The following SLC17A4 variants were observed in gnomAD, a reference collection of about 807,000 sequenced individuals.
The protein encoded by SLC17A4 is solute carrier family 17 member 4, also known as probable small intestine urate exporter.
Under a neutral mutation model 52.5 loss-of-function variants are expected in SLC17A4, and 33 were observed. The observed-to-expected ratio is 0.63, with a 90% CI of 0.48 to 0.84. SLC17A4 has a LOEUF of 0.84. Ranked by LOEUF, SLC17A4 falls within the 40% of genes least tolerant of loss-of-function variation. SLC17A4 has a pLI of 0.00. For synonymous variants in SLC17A4, 225 were observed against 216.2 expected, an observed-to-expected ratio of 1.04 and a Z score of -0.36; for missense variants, 585 against 597.1, an observed-to-expected ratio of 0.98 and a Z score of 0.21.
chr6:25,763,608 ACACT>A lies in SLC17A4; in HGVS notation c.91+1558_91+1561del, dbSNP rs1446520760. Among the ~76,000 whole-genome samples, 3 of 152,272 alleles carry A rather than the reference ACACT, an allele frequency of 2.0e-5. No individual in the cohort carries two copies. In the East Asian group the frequency reaches 5.8e-4, roughly 29 times the overall value. On this transcript the variant is annotated intron_variant, in intron 2 of 11. Transcript: ENST00000377905. ...CTCATATCTTTGCTGTGTTTCTAAG[ACACT>A]CAGTGAGCTGAATCCAGGGGTTCCA...
At chr6:25,771,052 A>C (rs185651333) in intron 6 of SLC17A4, 40 bp downstream of exon 6, 4 of 1,478,710 alleles carry the variant, frequency 2.7e-6, no homozygotes, top group Non-Finnish European at 3.8e-6. Context: ...TATGACAGAG[A>C]CTTCTGTGAT....
chr6:25,776,495 A>G lies in SLC17A4; in HGVS notation c.988-100A>G, dbSNP rs879311888. The G allele has an allele frequency of 4.2e-6, 6 of 1,428,076 alleles. No individual in the cohort carries two copies. In the Middle Eastern group the frequency reaches 6.3e-4, roughly 149 times the overall value. 88.5% of individuals were successfully genotyped at this position (1,428,076 alleles called of 1,614,324 possible). A position where few individuals can be genotyped will look rare whatever the true frequency, so the allele number is the denominator to read the frequency against. ...AATTTGTATTAAAAGTGATGCGTAT[A>G]TAAAGAAAAGCCACAAATGTGGACA... On this transcript the variant is annotated intron_variant, in intron 8 of 11. Coordinates refer to ENST00000377905, the MANE Select transcript of SLC17A4 (RefSeq NM_005495.3).
At chr6:25,755,234 T>C (rs1003055115) in intron 1 of SLC17A4, among the ~76,000 whole-genome samples, 1 of 152,214 alleles carries the variant, frequency 6.6e-6, no homozygotes, top group African/African-American at 2.4e-5. Context: ...ATTTTCATCA[T>C]GCCTAAAAAA....
intron 3 of SLC17A4, 46 bp from the exon 4 acceptor site, chr6:25,770,021 T>C: frequency 6.3e-7 from 1 of 1,574,978 alleles, no homozygotes; most frequent in Non-Finnish European, 8.7e-7. Flanking sequence ...ATGAAAACTG[T>C]CAATCCTTCA....
At chr6:25,772,991 C>A (rs1216823080) in intron 6 of SLC17A4, among the ~76,000 whole-genome samples, 2 of 152,156 alleles carry the variant, frequency 1.3e-5, no homozygotes, top group African/African-American at 4.8e-5. Flanking sequence ...CATAGTCTTC[C>A]AATAGCAGTG....
chr6:25,774,586 A>T (rs1043404651), intron 8 of SLC17A4, among the ~76,000 whole-genome samples: 2 of 152,160 alleles, frequency 1.3e-5, no homozygotes, highest in African/African-American at 4.8e-5. Context: ...TTAAACCAGA[A>T]CCTTAATCCA....
intron 6 of SLC17A4, among the ~76,000 whole-genome samples, chr6:25,772,566 A>G (rs1046147255): frequency 3.3e-5 from 5 of 152,158 alleles, no homozygotes. Context: ...TAAATTCCCA[A>G]CTCTGTAATA....
chr6:25,761,594 A>T (rs1423628336), intron 1 of SLC17A4, among the ~76,000 whole-genome samples: 1 of 152,214 alleles, frequency 6.6e-6, no homozygotes, highest in Non-Finnish European at 1.5e-5. Context: ...TGAAATTTCA[A>T]ATAAGGTTGT....
At chr6:25,765,281 G>A (rs2151430444) in intron 2 of SLC17A4, among the ~76,000 whole-genome samples, 1 of 152,354 alleles carries the variant, frequency 6.6e-6, no homozygotes, top group East Asian at 1.9e-4. Flanking sequence ...CCCTGTGTTA[G>A]ACACTGTTCT....
intron 2 of SLC17A4, among the ~76,000 whole-genome samples, chr6:25,766,666 T>TAG (rs1183323414): frequency 6.6e-6 from 1 of 152,180 alleles, no homozygotes; most frequent in East Asian, 1.9e-4. Flanking sequence ...CTCCATGGCC[T>TAG]TCCTCTCAAA....
intron 8 of SLC17A4, among the ~76,000 whole-genome samples, chr6:25,774,870 G>A (rs887876070): frequency 7.9e-5 from 12 of 152,184 alleles, no homozygotes; most frequent in Admixed American, 5.9e-4. Flanking sequence ...CTCGGCTTAC[G>A]CATCTGTAAA....
chr6:25,763,184 C>T (rs1253170637), intron 2 of SLC17A4, among the ~76,000 whole-genome samples: 2 of 152,196 alleles, frequency 1.3e-5, no homozygotes, highest in Non-Finnish European at 2.9e-5. Context: ...CCTACAACAT[C>T]TGGCCTACCA....
At position 25,771,299 on chromosome 6, in the gene SLC17A4, C is replaced by T. The variant is rs190557889; in HGVS notation, c.706+287C>T. 1.6e-4 allele frequency among the ~76,000 whole-genome samples: 25 copies of T among 152,180 alleles called. No individual in the cohort carries two copies. In the East Asian group the frequency reaches 2.9e-3, roughly 18 times the overall value. On this transcript the variant is annotated intron_variant, in intron 6 of 11. Transcript: ENST00000377905. ...GTTGAAAATACTATCTTAGGCTAGGCGTGGTAGCTCATGCCTGTAATCCCA... is the reference window on the plus strand; with the variant it reads ...GTTGAAAATACTATCTTAGGCTAGGTGTGGTAGCTCATGCCTGTAATCCCA...
chr6:25,761,763 A>T (rs1761554674), intron 1 of SLC17A4, among the ~76,000 whole-genome samples, 164 bp from the exon 2 acceptor site: 1 of 152,200 alleles, frequency 6.6e-6, no homozygotes, highest in South Asian at 2.1e-4. Flanking sequence ...TTCAAAGACC[A>T]ACCAATTGGT....
chr6:25,755,592 A>T (rs1057277280), intron 1 of SLC17A4, among the ~76,000 whole-genome samples: 2 of 152,198 alleles, frequency 1.3e-5, no homozygotes, highest in African/African-American at 2.4e-5. Context: ...TGAGAAATTG[A>T]TATAAGAATG....
rs1367549904 is a variant in SLC17A4 at position 25,773,636 on chromosome 6, A to G, written c.949A>G (p.Thr317Ala). The change falls in exon 8 of 12, where the codon ACG becomes GCG. Residue 317 changes from threonine to alanine, a missense_variant. Coordinates refer to ENST00000377905, the MANE Select transcript of SLC17A4 (RefSeq NM_005495.3). ...TTATACCATTATGGCGTACACACCA[A>G]CGTACATCAGCTCGGTACTTCAAGC... is the stretch of plus-strand genomic sequence containing the variant. The part of the protein sequence containing the change: ...LFYTIMAYTP[T>A]YISSVLQANL... 13 of 1,613,718 alleles carry G rather than the reference A, an allele frequency of 8.1e-6. No individual in the cohort carries two copies. Among genetic ancestry groups the G allele is most frequent in the African/African-American group, 1.3e-5 (1 of 74,910 alleles).
In SLC17A4 at chr6:25,780,673, C is replaced by G. The variant is rs1763247050; in HGVS notation, c.*1485C>G. On this transcript the variant is annotated 3_prime_UTR_variant, in exon 12 of 12. Coordinates refer to ENST00000377905, the MANE Select transcript of SLC17A4 (RefSeq NM_005495.3). ...TATTTTGAAATCAGTAGGAAGTGTC[C>G]TGGTTTTCAAAGGCACTCTGCATGA... 1 of 152,164 alleles carries G rather than the reference C, an allele frequency of 6.6e-6. No homozygotes were observed. Among genetic ancestry groups the G allele is most frequent in the Admixed American group, 6.6e-5 (1 of 15,260 alleles). 9.4% of individuals were successfully genotyped at this position (152,164 alleles called of 1,614,324 possible). A position where few individuals can be genotyped will look rare whatever the true frequency, so the allele number is the denominator to read the frequency against.
At chr6:25,774,309 T>C (rs965926935) in intron 8 of SLC17A4, among the ~76,000 whole-genome samples, 3 of 152,192 alleles carry the variant, frequency 2.0e-5, no homozygotes, top group African/African-American at 7.2e-5. Flanking sequence ...GCTGGATGGA[T>C]GTCTTAAAAG....
intron 3 of SLC17A4, among the ~76,000 whole-genome samples, chr6:25,769,526 C>G (rs1582695613): frequency 6.6e-6 from 1 of 150,598 alleles, no homozygotes; most frequent in South Asian, 2.1e-4. Context: ...CCACTGCACT[C>G]CGGTCTGGGT....
Sources: gnomAD v4.1 joint callset for allele counts (sites outside exome capture counted in the v4.1 genomes callset) on GRCh38, gnomAD v4.1.1 for gene constraint, MANE v1.5 for transcripts, NCBI Gene and HGNC (gene_info 2026-07-23, HGNC 2026-07-21) for gene names.